GRINA: variants seen among roughly 807,000 people sequenced by gnomAD.
GRINA encodes glutamate ionotropic receptor NMDA type subunit associated protein 1.
In GRINA, 26 loss-of-function variants were observed where a neutral mutation model predicts 42.5. That is an observed-to-expected ratio of 0.61 (90% CI 0.45 to 0.85). The LOEUF (loss-of-function observed/expected upper bound fraction) is 0.85, where lower values mean the gene tolerates loss of function less well. Among genes scored for constraint, GRINA ranks in the 40% least tolerant of loss-of-function variants. GRINA has a pLI of 0.00. For missense variants in GRINA, 475 were observed against 481.5 expected (o/e 0.99, Z 0.13); for synonymous variants, 256 against 204.2 (o/e 1.25, Z -2.17).
chr8:143,991,409 C>A lies in GRINA; in HGVS notation c.186C>A (p.Ser62Arg), dbSNP rs782438595. The change falls in exon 2 of 7, where the codon AGC becomes AGA. Residue 62 changes from serine to arginine, a missense_variant. Around this residue, in one of 2 missense-constraint regions of GRINA, gnomAD observed 321 missense variants for 267.2 expected, o/e 1.20. Coordinates refer to ENST00000395068, the MANE Select transcript of GRINA (RefSeq NM_001009184.2). ...YGQPGYPHGPSPYPQGGYPQG... is the reference protein window; with the variant it reads ...YGQPGYPHGPRPYPQGGYPQG... ...AGCCAGGGTACCCCCATGGCCCCAG[C>A]CCCTACCCCCAAGGGGGCTACCCAC... 2.1e-5 allele frequency: 26 copies of A among 1,257,568 alleles called. No individual in the cohort carries two copies. Among genetic ancestry groups the A allele is most frequent in the Non-Finnish European group, 2.6e-5 (24 of 921,114 alleles). 77.9% of individuals were successfully genotyped at this position (1,257,568 alleles called of 1,614,324 possible).
At position 143,992,859 on chromosome 8, in the gene GRINA, G is replaced by A. The variant is rs781901876; in HGVS notation, c.*18G>A. The A allele has an allele frequency of 2.5e-6, 4 of 1,610,506 alleles. No homozygotes were observed. In the East Asian group the frequency reaches 6.7e-5, roughly 27 times the overall value. ...AGGAGTAGCCGAGCTCCAGCTCGCT[G>A]TGCCCGCTCAGGTGGCACGGCTGGC... On this transcript the variant is annotated 3_prime_UTR_variant, in exon 7 of 7. Coordinates refer to ENST00000395068, the MANE Select transcript of GRINA (RefSeq NM_001009184.2).
chr8:143,991,302 C>T lies in GRINA; in HGVS notation c.79C>T (p.Pro27Ser). 1 of 1,427,074 alleles carries T rather than the reference C, an allele frequency of 7.0e-7. No homozygotes were observed. Among genetic ancestry groups the T allele is most frequent in the East Asian group, 2.4e-5 (1 of 41,244 alleles). The allele number at this position is 1,427,074 out of a possible 1,614,324, so 88.4% of individuals were successfully genotyped here. ...PNPGYPGGPQ[P>S]PMPPYAQPPY... is the part of the protein sequence containing the mutation. ...CCCTGGATATCCGGGGGGGCCCCAG[C>T]CACCCATGCCCCCCTATGCTCAGCC... Residue 27 changes from proline to serine, a missense_variant, in exon 2 of 7, where the codon CCA (proline) becomes TCA (serine). Transcript: ENST00000395068.
rs782670455 is a variant in GRINA at position 143,992,489 on chromosome 8, A to G, written c.847A>G (p.Met283Val). 4 of 1,614,110 alleles carry G rather than the reference A, an allele frequency of 2.5e-6. No homozygotes were observed. Among genetic ancestry groups the G allele is most frequent in the Non-Finnish European group, 2.5e-6 (3 of 1,180,018 alleles). ...GACCCGCTACGACTTCACCTCATGCATGGGCGTGCTCCTGGTGAGCATGGT... is the reference window on the plus strand; with the variant it reads ...GACCCGCTACGACTTCACCTCATGCGTGGGCGTGCTCCTGGTGAGCATGGT... ...MQTRYDFTSC[M>V]GVLLVSMVVL... Residue 283 changes from methionine (M) to valine (V), a missense_variant, in exon 6 of 7, where the codon ATG (methionine) becomes GTG (valine). By Grantham distance (21) the Met-to-Val change is conservative. This residue lies in a region of GRINA where 154 missense variants were observed against 214.2 expected (regional missense o/e 0.72). Transcript: ENST00000395068.
chr8:143,992,209 A>C lies in GRINA; in HGVS notation c.694-36A>C, dbSNP rs372445018. On this transcript the variant is annotated intron_variant, in intron 4 of 6. Transcript: ENST00000395068. Reference sequence around the variant, plus strand: ...GGGCCGGCAGGGGTGGCATGGGGGCACACACCCAAGGTCAGCCTGTGTCTC... The same window carrying C: ...GGGCCGGCAGGGGTGGCATGGGGGCCCACACCCAAGGTCAGCCTGTGTCTC... 11 of 1,602,366 alleles carry C rather than the reference A, an allele frequency of 6.9e-6. 2 individuals are homozygous for C. The highest frequency in any genetic ancestry group is 9.4e-6 in the Non-Finnish European group (11 of 1,173,296).
chr8:143,992,187 C>T (rs1834110486), intron 4 of GRINA, 58 bp from the exon 5 acceptor site: 3 of 1,599,768 alleles, frequency 1.9e-6, no homozygotes. Context: ...GAGGCAGGGG[C>T]CGGCAGGGGT....
In GRINA at chr8:143,990,163, G is replaced by C. The variant is rs1394487646; in HGVS notation, c.-61G>C. 2.0e-5 allele frequency: 3 copies of C among 150,462 alleles called. No individual in the cohort carries two copies. Among genetic ancestry groups the C allele is most frequent in the African/African-American group, 7.3e-5 (3 of 41,238 alleles). 9.3% of individuals were successfully genotyped at this position (150,462 alleles called of 1,614,324 possible). On this transcript the variant is annotated 5_prime_UTR_variant, in exon 1 of 7. Transcript: ENST00000395068. This position sits in a 1 kb window ranked among gnomAD's most constrained non-coding sequence, Gnocchi z 5.6. Reference sequence around the variant, plus strand: ...GCCATCACCGCGCGGCCGCGCAGCGGACACCGTGCGTACCGGCCTGCGGCG... The same window carrying C: ...GCCATCACCGCGCGGCCGCGCAGCGCACACCGTGCGTACCGGCCTGCGGCG...
In GRINA at chr8:143,992,500, C is replaced by T. The variant is rs190088005; in HGVS notation, c.858C>T (p.Leu286=). The part of the protein sequence containing the change: ...RYDFTSCMGV[L]LVSMVVLFIF... ...ACTTCACCTCATGCATGGGCGTGCT[C>T]CTGGTGAGCATGGTGGTGCTCTTCA... The change falls in exon 6 of 7, where the codon CTC becomes CTT. Residue 286 remains leucine, a synonymous_variant. Transcript: ENST00000395068. The T allele has an allele frequency of 1.9e-6, 3 of 1,614,154 alleles. 1 individual carries two copies. The Admixed American group carries it at 5.0e-5, about 27-fold the overall frequency.
At position 143,991,949 on chromosome 8, in the gene GRINA, G is replaced by A. The variant is rs781871684; in HGVS notation, c.564G>A (p.Glu188=). The A allele has an allele frequency of 7.6e-5, 122 of 1,613,762 alleles. No homozygotes were observed. The highest frequency in any genetic ancestry group is 9.2e-5 in the Non-Finnish European group (108 of 1,179,888). ...STVSVFTFVA[E]VKGFVRENVW... ...TGTCTGTGTTCACTTTTGTTGCGGA[G>A]GTGAAGGGCTTTGTCCGGGAGAATG... is the stretch of plus-strand genomic sequence containing the variant. The change falls in exon 4 of 7, where the codon GAG becomes GAA. Residue 188 remains glutamate, a synonymous_variant. Coordinates refer to ENST00000395068, the MANE Select transcript of GRINA (RefSeq NM_001009184.2).
Position 143,992,700 on chromosome 8 carries a change from A to T in GRINA, c.975A>T (p.Ala325=). The T allele has an allele frequency of 6.2e-7, 1 of 1,613,960 alleles. No homozygotes were observed. Among genetic ancestry groups the T allele is most frequent in the Non-Finnish European group, 8.5e-7 (1 of 1,179,956 alleles). Residue 325 remains alanine (A), a synonymous_variant, in exon 7 of 7, where the codon GCA becomes GCT. Transcript: ENST00000395068. ...TGTGCTGTCACCTCCAGTTCCTCGCAGTGGACACCCAGCTGCTACTGGGGA... is the reference window on the plus strand; with the variant it reads ...TGTGCTGTCACCTCCAGTTCCTCGCTGTGGACACCCAGCTGCTACTGGGGA... ...LGALLFTCFL[A]VDTQLLLGNK... is the part of the protein sequence containing the mutation.
intron 6 of GRINA, 30 bp downstream of exon 6, chr8:143,992,638 G>A (rs1554750750): frequency 9.3e-6 from 15 of 1,613,892 alleles, no homozygotes; most frequent in South Asian, 3.3e-5. Context: ...GGCCGGGGGC[G>A]GGATGCTGGG....
rs1554750408 is a variant in GRINA at position 143,991,346 on chromosome 8, T to C, written c.123T>C (p.Pro41=). The part of the protein sequence containing the change: ...PYAQPPYPGA[P]YPQPPFQPSP... ...CTCAGCCTCCCTACCCTGGGGCCCC[T>C]TACCCACAGCCCCCTTTCCAGCCCT... Residue 41 remains proline, a synonymous_variant, in exon 2 of 7, where the codon CCT becomes CCC. Coordinates refer to ENST00000395068, the MANE Select transcript of GRINA (RefSeq NM_001009184.2). The C allele has an allele frequency of 7.5e-7, 1 of 1,326,812 alleles. No individual in the cohort carries two copies. Among genetic ancestry groups the C allele is most frequent in the Non-Finnish European group, 1.0e-6 (1 of 973,294 alleles). 82.2% of individuals were successfully genotyped at this position (1,326,812 alleles called of 1,614,324 possible).
In GRINA at chr8:143,991,956, G is replaced by C; in HGVS notation, c.571G>C (p.Gly191Arg). Residue 191 changes from glycine (G) to arginine (R), a missense_variant, in exon 4 of 7, where the codon GGC (glycine) becomes CGC (arginine). Coordinates refer to ENST00000395068, the MANE Select transcript of GRINA (RefSeq NM_001009184.2). ...SVFTFVAEVKGFVRENVWTYY... is the reference protein window; with the variant it reads ...SVFTFVAEVKRFVRENVWTYY... ...GTTCACTTTTGTTGCGGAGGTGAAG[G>C]GCTTTGTCCGGGAGAATGTCTGGAC... The C allele has an allele frequency of 6.2e-7, 1 of 1,613,788 alleles. No homozygotes were observed. Among genetic ancestry groups the C allele is most frequent in the Non-Finnish European group, 8.5e-7 (1 of 1,179,816 alleles).
rs1554750568 is a variant in GRINA, at chr8:143,991,890, C to T, written c.505C>T (p.Leu169=). ...QAFIRKVFLV[L]TLQLSVTLST... ...GCTCCTTCCCCAGGTGTTCCTAGTG[C>T]TGACCTTGCAGCTGTCGGTGACCCT... The change falls in exon 4 of 7, where the codon CTG becomes TTG. Residue 169 remains leucine (L), a synonymous_variant. Coordinates refer to ENST00000395068, the MANE Select transcript of GRINA (RefSeq NM_001009184.2). 6.2e-7 allele frequency: 1 copy of T among 1,611,490 alleles called. No homozygotes were observed.
rs1834085744 is a variant in GRINA at position 143,991,152 on chromosome 8, G to A, written c.-24-48G>A. On this transcript the variant is annotated intron_variant, in intron 1 of 6. Transcript: ENST00000395068. The stretch of plus-strand genomic sequence containing the variant: ...GAGTTGCGCAGGGCTGGGTCCCGAC[G>A]CTGTCGTCAAGCCAACTGTTCCACT... 5 of 1,059,498 alleles carry A rather than the reference G, an allele frequency of 4.7e-6. No individual in the cohort carries two copies. The South Asian group carries it at 6.5e-5, about 14-fold the overall frequency. 65.6% of individuals were successfully genotyped at this position (1,059,498 alleles called of 1,614,324 possible). A position where few individuals can be genotyped will look rare whatever the true frequency, so the allele number is the denominator to read the frequency against.
chr8:143,991,087 G>A lies in GRINA; in HGVS notation c.-24-113G>A, dbSNP rs555838751. ...CCCCACAGCCCGGGGCAAAGGTCACGGTCTTCCCTTGCTTCCCCCTGGGTT... is the reference window on the plus strand; with the variant it reads ...CCCCACAGCCCGGGGCAAAGGTCACAGTCTTCCCTTGCTTCCCCCTGGGTT... On this transcript the variant is annotated intron_variant, in intron 1 of 6. Transcript: ENST00000395068. The A allele has an allele frequency of 6.6e-6, 4 of 605,102 alleles. 1 individual carries two copies. The South Asian group carries it at 9.2e-5, about 14-fold the overall frequency. 37.5% of individuals were successfully genotyped at this position (605,102 alleles called of 1,614,324 possible).
chr8:143,991,356 C>A lies in GRINA; in HGVS notation c.133C>A (p.Pro45Thr). 7.8e-7 allele frequency: 1 copy of A among 1,287,552 alleles called. No homozygotes were observed. Among genetic ancestry groups the A allele is most frequent in the African/African-American group, 1.5e-5 (1 of 66,874 alleles). 79.8% of individuals were successfully genotyped at this position (1,287,552 alleles called of 1,614,324 possible). ...PPYPGAPYPQ[P>T]PFQPSPYGQP... ...CTACCCTGGGGCCCCTTACCCACAG[C>A]CCCCTTTCCAGCCCTCCCCCTACGG... Residue 45 changes from proline to threonine, a missense_variant, in exon 2 of 7, where the codon CCC (proline) becomes ACC (threonine). Pro to Thr is a conservative substitution (Grantham distance 38). Coordinates refer to ENST00000395068, the MANE Select transcript of GRINA (RefSeq NM_001009184.2).
Position 143,991,238 on chromosome 8 carries a change from G to T in GRINA, c.15G>T (p.Lys5Asn). MSHE[K>N]SFLVSGDNYP... ...AACCCGAGGCCATGTCCCATGAAAA[G>T]AGTTTTTTGGTGTCTGGGGACAACT... Residue 5 changes from lysine to asparagine, a missense_variant, in exon 2 of 7, where the codon AAG becomes AAT. By Grantham distance (94) the Lys-to-Asn change is moderately conservative. Around this residue, in one of 2 missense-constraint regions of GRINA, gnomAD observed 321 missense variants for 267.2 expected, o/e 1.20. Transcript: ENST00000395068. 1.3e-6 allele frequency: 2 copies of T among 1,578,826 alleles called. No homozygotes were observed. The highest frequency in any genetic ancestry group is 2.3e-5 in the South Asian group (2 of 87,186).
Position 143,993,141 on chromosome 8 carries a change from G to A in GRINA, c.*300G>A. 1 of 380,556 alleles carries A rather than the reference G, an allele frequency of 2.6e-6. No individual in the cohort carries two copies. The allele number at this position is 380,556 out of a possible 1,614,324, so 23.6% of individuals were successfully genotyped here. On this transcript the variant is annotated 3_prime_UTR_variant, in exon 7 of 7. Coordinates refer to ENST00000395068, the MANE Select transcript of GRINA (RefSeq NM_001009184.2). ...GCCCTGTCTGCCAGCCCACCCCAGGGACTGGGGGCAGCACCAGGTCCCGGG... is the reference window on the plus strand; with the variant it reads ...GCCCTGTCTGCCAGCCCACCCCAGGAACTGGGGGCAGCACCAGGTCCCGGG...
At chr8:143,991,166 A>T (rs1403525586) in intron 1 of GRINA, 34 bp from the exon 2 acceptor site, 6 of 1,284,134 alleles carry the variant, frequency 4.7e-6, no homozygotes, top group Non-Finnish European at 6.4e-6. Context: ...TCGTCAAGCC[A>T]ACTGTTCCAC....
Sources: gnomAD v4.1 joint callset for allele counts on GRCh38, gnomAD v4.1.1 for gene constraint, gnomAD v4.1.1 regional missense constraint, Gnocchi (gnomAD v3.1) non-coding constraint, MANE v1.5 for transcripts, NCBI Gene and HGNC (gene_info 2026-07-23, HGNC 2026-07-21) for gene names.